Variants in VCAN observed in about 807,000 individuals in gnomAD.
VCAN encodes versican core protein.
A neutral mutation model predicts 245.5 loss-of-function variants in VCAN; 44 were observed. The observed-to-expected ratio is 0.18, with a 90% CI of 0.14 to 0.23. The LOEUF (loss-of-function observed/expected upper bound fraction) is 0.23, where lower values mean the gene tolerates loss of function less well. Ranked by LOEUF, VCAN falls within the 10% of genes least tolerant of loss-of-function variation. VCAN has a pLI of 1.00. For missense variants in VCAN, 3,793 were observed against 4,057.9 expected, an observed-to-expected ratio of 0.93 and a Z score of 1.77; for synonymous variants, 1,413 against 1,437.0, an observed-to-expected ratio of 0.98 and a Z score of 0.38.
Position 83,577,475 on chromosome 5 carries a change from C to T in VCAN, c.9881-2505C>T, listed in dbSNP as rs142046359. On this transcript the variant is annotated intron_variant, in intron 13 of 14. Transcript: ENST00000265077. ...GGAGTTGCCCTCCCTTCTGAACTTCCCCATAAAAACCTTCCAACTTGTAGC... is the reference window on the plus strand; with the variant it reads ...GGAGTTGCCCTCCCTTCTGAACTTCTCCATAAAAACCTTCCAACTTGTAGC... Among the ~76,000 whole-genome samples the T allele has an allele frequency of 2.0e-3, 302 of 152,210 alleles. 2 individuals carry two copies. The highest frequency in any genetic ancestry group is 6.8e-3 in the African/African-American group (282 of 41,522).
At chr5:83,527,333 G>A (rs959020678) in intron 7 of VCAN, among the ~76,000 whole-genome samples, 3 of 152,154 alleles carry the variant, frequency 2.0e-5, no homozygotes, top group Non-Finnish European at 2.9e-5. Context: ...AAGTGGATGG[G>A]TCTGGTGCCT....
Position 83,521,971 on chromosome 5 carries a change from C to T in VCAN, c.3665C>T (p.Ala1222Val), listed in dbSNP as rs1746123433. Residue 1222 changes from alanine (A) to valine (V), a missense_variant, in exon 7 of 15, where the codon GCA becomes GTA. Transcript: ENST00000265077. Reference sequence around the variant, plus strand: ...GTAGACAGACTTCACACAACTTCAGCATTCAAGCCATCTTCCGCGATCACT... The same window carrying T: ...GTAGACAGACTTCACACAACTTCAGTATTCAAGCCATCTTCCGCGATCACT... ...SSVDRLHTTS[A>V]FKPSSAITKK... 6.2e-7 allele frequency: 1 copy of T among 1,614,222 alleles called. No homozygotes were observed.
intron 8 of VCAN, 38 bp from the exon 9 acceptor site, chr5:83,545,499 G>T: frequency 6.4e-7 from 1 of 1,552,980 alleles, no homozygotes; most frequent in Non-Finnish European, 8.9e-7. Flanking sequence ...CATTAGAGAC[G>T]AGCCTAACTG....
rs761978546 is a variant in VCAN, at chr5:83,521,083, G to A, written c.2777G>A (p.Gly926Asp). Residue 926 changes from glycine (G) to aspartate (D), a missense_variant, in exon 7 of 15, where the codon GGT (glycine) becomes GAT (aspartate). Physicochemically the swap from Gly to Asp is moderately conservative, Grantham distance 94. Around this residue, in one of 5 missense-constraint regions of VCAN, gnomAD observed 3,182 missense variants for 3,250.3 expected, o/e 0.98. Coordinates refer to ENST00000265077, the MANE Select transcript of VCAN (RefSeq NM_004385.5). ...GCAACCATGGAAGGAAGTGCTTTGG[G>A]TGAAGTAGAAGATGTGGACCTCTCT... ...VYATMEGSAL[G>D]EVEDVDLSKP... The A allele has an allele frequency of 1.2e-6, 2 of 1,614,142 alleles. No individual in the cohort carries two copies. Among genetic ancestry groups the A allele is most frequent in the Admixed American group, 1.7e-5 (1 of 60,024 alleles).
rs1220545685 is a variant in VCAN, at chr5:83,490,273, T to C, written c.246T>C (p.Thr82=). 6.2e-6 allele frequency: 10 copies of C among 1,614,094 alleles called. No individual in the cohort carries two copies. The highest frequency in any genetic ancestry group is 2.2e-5 in the East Asian group (1 of 44,880). ...ATGGAAAAGATTTGAAAGAGACTACTGTCCTTGTGGCCCAAAATGGAAATA... is the reference window on the plus strand; with the variant it reads ...ATGGAAAAGATTTGAAAGAGACTACCGTCCTTGTGGCCCAAAATGGAAATA... ...DKNGKDLKET[T]VLVAQNGNIK... is the part of the protein sequence containing the mutation. Residue 82 remains threonine (T), a synonymous_variant, in exon 3 of 15, where the codon ACT becomes ACC. Transcript: ENST00000265077.
chr5:83,535,493 A>T (rs1746670295), intron 7 of VCAN: 2 of 152,154 alleles, frequency 1.3e-5, no homozygotes, highest in Admixed American at 6.6e-5. Context: ...TTTAAAAAAA[A>T]TTCAAGGAGC....
intron 1 of VCAN, among the ~76,000 whole-genome samples, chr5:83,478,908 A>C (rs1744493841): frequency 6.6e-6 from 1 of 152,168 alleles, no homozygotes; most frequent in African/African-American, 2.4e-5. Flanking sequence ...GGATGAAAAT[A>C]GAGCATGGGA....
intron 12 of VCAN, among the ~76,000 whole-genome samples, chr5:83,568,133 A>AT (rs922135168): frequency 1.1e-3 from 158 of 145,680 alleles, no homozygotes; most frequent in African/African-American, 3.3e-3. Context: ...GCTAAAGTTA[A>AT]TTTTTTTTTT....
Position 83,483,578 on chromosome 5 carries a change from G to A in VCAN, c.60G>A (p.Ala20=), listed in dbSNP as rs755828566. The part of the protein sequence containing the change: ...WMCSTLIVTH[A]LHKVKVGKSP... ...GTTCAACCTTAATAGTAACCCATGCGCTACATAAAGGTGAGTGTGCTAACA... is the reference window on the plus strand; with the variant it reads ...GTTCAACCTTAATAGTAACCCATGCACTACATAAAGGTGAGTGTGCTAACA... The change falls in exon 2 of 15, where the codon GCG becomes GCA. Residue 20 remains alanine, a synonymous_variant. Transcript: ENST00000265077. The A allele has an allele frequency of 7.4e-6, 12 of 1,613,040 alleles. No homozygotes were observed. Among genetic ancestry groups the A allele is most frequent in the South Asian group, 5.5e-5 (5 of 91,054 alleles).
Position 83,519,947 on chromosome 5 carries a change from C to T in VCAN, c.1641C>T (p.His547=), listed in dbSNP as rs2112407804. 1 of 1,614,088 alleles carries T rather than the reference C, an allele frequency of 6.2e-7. No homozygotes were observed. The highest frequency in any genetic ancestry group is 8.5e-7 in the Non-Finnish European group (1 of 1,179,982). ...TTTCTGAATTGGTAACCACAGGTCA[C>T]TATGGATTCACCTTGGGAGAAGAGG... is the stretch of plus-strand genomic sequence containing the variant. ...STVSELVTTG[H]YGFTLGEEDD... Residue 547 remains histidine (H), a synonymous_variant, in exon 7 of 15, where the codon CAC becomes CAT. Coordinates refer to ENST00000265077, the MANE Select transcript of VCAN (RefSeq NM_004385.5).
intron 4 of VCAN, 27 bp downstream of exon 4, chr5:83,493,747 C>A: frequency 1.2e-6 from 2 of 1,614,072 alleles, no homozygotes; most frequent in Non-Finnish European, 1.7e-6. Flanking sequence ...CCACAGGCTT[C>A]ATTATTAACT....
At chr5:83,511,091 G>A (rs1055925839) in intron 5 of VCAN, among the ~76,000 whole-genome samples, 13 of 151,860 alleles carry the variant, frequency 8.6e-5, no homozygotes, top group African/African-American at 3.1e-4. Context: ...TGCAGCCTGG[G>A]CTACTGAGCC....
At chr5:83,524,530 A>G (rs1466778062) in intron 7 of VCAN, among the ~76,000 whole-genome samples, 1 of 141,650 alleles carries the variant, frequency 7.1e-6, no homozygotes, top group African/African-American at 2.7e-5. Context: ...CTACCTACCT[A>G]CCTGCGTACC....
intron 5 of VCAN, among the ~76,000 whole-genome samples, chr5:83,498,143 C>T (rs1745217891): frequency 6.6e-6 from 1 of 152,128 alleles, no homozygotes; most frequent in Non-Finnish European, 1.5e-5. Context: ...TTTTTTTACA[C>T]AAGCTTCCAG....
chr5:83,509,187 A>G (rs1237461210), intron 5 of VCAN, among the ~76,000 whole-genome samples: 1 of 152,246 alleles, frequency 6.6e-6, no homozygotes, highest in Non-Finnish European at 1.5e-5. Flanking sequence ...TATGGGTATC[A>G]AACAAATAAA....
At chr5:83,527,247 G>T (rs1330757952) in intron 7 of VCAN, among the ~76,000 whole-genome samples, 1 of 152,210 alleles carries the variant, frequency 6.6e-6, no homozygotes, top group Non-Finnish European at 1.5e-5. Context: ...AGGAAAGAGT[G>T]TGCTGAAATT....
intron 12 of VCAN, among the ~76,000 whole-genome samples, chr5:83,564,629 G>A (rs756521957): frequency 8.6e-5 from 13 of 151,592 alleles, no homozygotes; most frequent in Non-Finnish European, 1.9e-4. Flanking sequence ...GTTTTCTTTG[G>A]CTAGTTTCCT....
chr5:83,563,225 C>T (rs1017607652), intron 12 of VCAN, among the ~76,000 whole-genome samples: 22 of 152,150 alleles, frequency 1.4e-4, no homozygotes, highest in African/African-American at 4.8e-4. Flanking sequence ...AAACCATAAC[C>T]TCCCTTAAAA....
At chr5:83,480,042 C>G (rs1189557121) in intron 1 of VCAN, among the ~76,000 whole-genome samples, 1 of 152,152 alleles carries the variant, frequency 6.6e-6, no homozygotes, top group Non-Finnish European at 1.5e-5. Context: ...GAAATATAGA[C>G]TTAGTGTTGC....
Sources: allele counts gnomAD v4.1 joint callset (sites outside exome capture counted in the v4.1 genomes callset), GRCh38; gene constraint gnomAD v4.1.1; regional missense constraint gnomAD v4.1.1; transcripts MANE v1.5; gene names NCBI Gene and HGNC (gene_info 2026-07-23, HGNC 2026-07-21).